The following SERPINE2 variants were observed in gnomAD, a reference collection of about 807,000 sequenced individuals.
The protein encoded by SERPINE2 is serpin family E member 2.
A neutral mutation model predicts 36.3 loss-of-function variants in SERPINE2; 14 were observed. That is an observed-to-expected ratio of 0.39 (90% CI 0.25 to 0.60). The LOEUF (loss-of-function observed/expected upper bound fraction) is 0.60, where lower values mean the gene tolerates loss of function less well. Ranked by LOEUF, SERPINE2 falls within the 20% of genes least tolerant of loss-of-function variation. SERPINE2 has a pLI of 0.57. For missense variants in SERPINE2, 418 were observed against 499.6 expected (o/e 0.84, Z 1.56); for synonymous variants, 192 against 191.8 (o/e 1.00, Z -0.01).
chr2:224,035,890 A>G (rs955765757), intron 1 of SERPINE2, among the ~76,000 whole-genome samples: 1 of 152,190 alleles, frequency 6.6e-6, no homozygotes, highest in Non-Finnish European at 1.5e-5. Flanking sequence ...CAGCATGAAG[A>G]AGCAACAGGA....
chr2:224,010,321 C>A, intron 1 of SERPINE2: 1 of 984,346 alleles, frequency 1.0e-6, no homozygotes, highest in Non-Finnish European at 1.2e-6. Context: ...CAAAAAGGAA[C>A]CTAAAAATGT....
At chr2:224,012,433 A>T (rs1430254404) in intron 1 of SERPINE2, among the ~76,000 whole-genome samples, 1 of 152,104 alleles carries the variant, frequency 6.6e-6, no homozygotes, top group African/African-American at 2.4e-5. Flanking sequence ...TAACTATGTA[A>T]AAATTATACA....
intron 4 of SERPINE2, among the ~76,000 whole-genome samples, chr2:223,987,120 C>A (rs910030380): frequency 3.3e-5 from 5 of 152,152 alleles, no homozygotes; most frequent in African/African-American, 9.7e-5. Flanking sequence ...TTCCTTGACT[C>A]CAAGTCTTAG....
chr2:224,022,100 A>G (rs1459021774), intron 1 of SERPINE2, among the ~76,000 whole-genome samples: 1 of 142,868 alleles, frequency 7.0e-6, no homozygotes, highest in Non-Finnish European at 1.5e-5. Context: ...CGGAGCTTGC[A>G]GTGAGCTGAG....
chr2:223,983,967 C>CAAA (rs35648274), intron 5 of SERPINE2, among the ~76,000 whole-genome samples: 4 of 145,408 alleles, frequency 2.8e-5, no homozygotes, highest in African/African-American at 1.0e-4. Context: ...GCTTATTTTA[C>CAAA]AAAAAAAAAA....
chr2:223,976,501 G>C (rs1690014185), intron 8 of SERPINE2, among the ~76,000 whole-genome samples: 2 of 152,320 alleles, frequency 1.3e-5, no homozygotes, highest in African/African-American at 4.8e-5. Flanking sequence ...GTGGCCAGAA[G>C]CTCCTCATTG....
At chr2:223,987,718 C>G (rs1413188681) in intron 4 of SERPINE2, among the ~76,000 whole-genome samples, 1 of 152,174 alleles carries the variant, frequency 6.6e-6, no homozygotes, top group Non-Finnish European at 1.5e-5. Flanking sequence ...AGAACTTTCT[C>G]TAAGTGGTGT....
intron 1 of SERPINE2, among the ~76,000 whole-genome samples, chr2:224,036,100 G>A (rs1050028541): frequency 6.6e-6 from 1 of 152,216 alleles, no homozygotes; most frequent in South Asian, 2.1e-4. Context: ...GGCCTAAAGG[G>A]CACGGGTAAG....
chr2:224,025,486 A>G lies in SERPINE2; in HGVS notation c.-23+13613T>C, dbSNP rs541611309. 7.1e-4 allele frequency among the ~76,000 whole-genome samples: 108 copies of G among 152,362 alleles called. No individual in the cohort carries two copies. In the South Asian group the frequency reaches 0.022, roughly 30 times the overall value. On this transcript the variant is annotated intron_variant, in intron 1 of 8. Coordinates refer to ENST00000409304, the MANE Select transcript of SERPINE2 (RefSeq NM_001136528.2). ...ACAGCCCTCTTCTTTTCCCAATGAG[A>G]AAATCCCTACCCCCTACAAATTTTG...
intron 1 of SERPINE2, among the ~76,000 whole-genome samples, chr2:224,036,725 G>C (rs1574856615): frequency 6.6e-6 from 1 of 151,988 alleles, no homozygotes; most frequent in East Asian, 1.9e-4. Flanking sequence ...GCAAAGAGCT[G>C]AACAGGAAGG....
chr2:224,009,031 G>A (rs1299341076), intron 1 of SERPINE2, among the ~76,000 whole-genome samples: 2 of 152,164 alleles, frequency 1.3e-5, no homozygotes, highest in East Asian at 1.9e-4. Context: ...TAAAAGCTGG[G>A]CTGGGAGAAT....
intron 1 of SERPINE2, among the ~76,000 whole-genome samples, chr2:224,032,130 CTT>C (rs1692399576): frequency 6.6e-6 from 1 of 152,200 alleles, no homozygotes; most frequent in Non-Finnish European, 1.5e-5. Flanking sequence ...AGAATAACTT[CTT>C]GAGTGGATTT....
chr2:224,033,086 T>C (rs1333650753), intron 1 of SERPINE2, among the ~76,000 whole-genome samples: 1 of 152,242 alleles, frequency 6.6e-6, no homozygotes, highest in Non-Finnish European at 1.5e-5. Flanking sequence ...ATGTAGTTTA[T>C]TGCATTTGAC....
At position 223,998,312 on chromosome 2, in the gene SERPINE2, T is replaced by C. The variant is rs747597085; in HGVS notation, c.290A>G (p.Lys97Arg). The C allele has an allele frequency of 1.6e-5, 26 of 1,613,604 alleles. No individual in the cohort carries two copies. In the Admixed American group the frequency reaches 4.3e-4, roughly 27 times the overall value. The change falls in exon 3 of 9, where the codon AAG becomes AGG. Residue 97 changes from lysine to arginine, a missense_variant. Coordinates refer to ENST00000409304, the MANE Select transcript of SERPINE2 (RefSeq NM_001136528.2). ...GVGKILKKIN[K>R]AIVSKKNKDI... ...TTTATTCTTCTTGGAGACGATGGCC[T>C]TGTTGATCTTCTTTAATATTTTACC... is the stretch of plus-strand genomic sequence containing the variant.
intron 1 of SERPINE2, among the ~76,000 whole-genome samples, chr2:224,026,244 T>A (rs544886975): frequency 1.2e-4 from 19 of 152,352 alleles, no homozygotes; most frequent in African/African-American, 4.3e-4. Flanking sequence ...TTTATACAAG[T>A]GGAAAATAAT....
At chr2:224,010,653 A>G (rs1691594709) in intron 1 of SERPINE2, among the ~76,000 whole-genome samples, 2 of 152,334 alleles carry the variant, frequency 1.3e-5, no homozygotes, top group South Asian at 4.1e-4. Context: ...AAGGCAAGTC[A>G]CAATCTTCAT....
intron 1 of SERPINE2, chr2:224,038,404 A>G: frequency 8.7e-7 from 1 of 1,145,818 alleles, no homozygotes; most frequent in Non-Finnish European, 1.3e-6. Flanking sequence ...CTTATGTAAT[A>G]GAAGCCTTCC....
chr2:224,022,457 T>A (rs1692037497), intron 1 of SERPINE2, among the ~76,000 whole-genome samples: 1 of 152,216 alleles, frequency 6.6e-6, no homozygotes, highest in Non-Finnish European at 1.5e-5. Flanking sequence ...TAACTTTTAT[T>A]TCACGAATTA....
chr2:224,023,476 A>G (rs1165454674), intron 1 of SERPINE2, among the ~76,000 whole-genome samples: 1 of 152,226 alleles, frequency 6.6e-6, no homozygotes, highest in Non-Finnish European at 1.5e-5. Context: ...AATAGAGGGA[A>G]GCCAGGAAAG....
Sources: gnomAD v4.1 joint callset for allele counts (sites outside exome capture counted in the v4.1 genomes callset) on GRCh38, gnomAD v4.1.1 for gene constraint, MANE v1.5 for transcripts, NCBI Gene and HGNC (gene_info 2026-07-23, HGNC 2026-07-21) for gene names.